TMCC1: variants seen among roughly 807,000 people sequenced by gnomAD.
The protein encoded by TMCC1 is transmembrane and coiled-coil domains protein 1.
Under a neutral mutation model 52.4 loss-of-function variants are expected in TMCC1, and 15 were observed. The observed-to-expected ratio is 0.29, with a 90% confidence interval of 0.19 to 0.44. The LOEUF is 0.44. Among genes scored for constraint, TMCC1 ranks in the 20% least tolerant of loss-of-function variants. TMCC1 has a pLI of 1.00. For missense variants in TMCC1, 503 were observed against 806.0 expected (o/e 0.62, Z 4.55); for synonymous variants, 279 against 301.9 (o/e 0.92, Z 0.79).
At chr3:129,884,275 CT>C (rs1409200914) in intron 1 of TMCC1, among the ~76,000 whole-genome samples, 1 of 151,976 alleles carries the variant, frequency 6.6e-6, no homozygotes, top group African/African-American at 2.4e-5. Context: ...TGGACAAAGA[CT>C]TTTATAATAG....
intron 4 of TMCC1, among the ~76,000 whole-genome samples, chr3:129,675,927 C>G (rs1054022949): frequency 1.3e-5 from 2 of 151,126 alleles, no homozygotes; most frequent in Non-Finnish European, 2.9e-5. Context: ...GTCCCAGCTA[C>G]TCAGGAGGCT....
Position 129,648,836 on chromosome 3 carries a change from T to C in TMCC1, c.*2645A>G, listed in dbSNP as rs1046403740. On this transcript the variant is annotated 3_prime_UTR_variant, in exon 7 of 7. Transcript: ENST00000393238. ...TGAAAGAAACTCAAAAGTAACAGGA[T>C]GGGCAGCAAAAGGTACAGCAAAGAA... The C allele has an allele frequency of 2.0e-5, 3 of 151,960 alleles. No individual in the cohort carries two copies. The highest frequency in any genetic ancestry group is 7.3e-5 in the African/African-American group (3 of 41,334). The allele number at this position is 151,960 out of a possible 1,614,324, so 9.4% of individuals were successfully genotyped here. A position where few individuals can be genotyped will look rare whatever the true frequency, so the allele number is the denominator to read the frequency against.
chr3:129,796,539 G>T (rs770343385), intron 4 of TMCC1, among the ~76,000 whole-genome samples: 2 of 152,118 alleles, frequency 1.3e-5, no homozygotes, highest in Non-Finnish European at 2.9e-5. Flanking sequence ...CCTCAATATG[G>T]CCAGGTTCAG....
chr3:129,734,622 G>C (rs2050798507), intron 4 of TMCC1, among the ~76,000 whole-genome samples: 2 of 152,158 alleles, frequency 1.3e-5, no homozygotes, highest in African/African-American at 4.8e-5. Context: ...GGCAGAGGCT[G>C]CAGTGAGCTG....
chr3:129,819,313 C>CCT (rs2058295190), intron 4 of TMCC1, among the ~76,000 whole-genome samples: 1 of 152,058 alleles, frequency 6.6e-6, no homozygotes, highest in Admixed American at 6.6e-5. Flanking sequence ...GAACTCCTGA[C>CCT]CTCAGGTGAT....
At chr3:129,767,634 T>TC (rs1168195434) in intron 4 of TMCC1, among the ~76,000 whole-genome samples, 1 of 152,204 alleles carries the variant, frequency 6.6e-6, no homozygotes, top group African/African-American at 2.4e-5. Flanking sequence ...AACCTTTTGA[T>TC]CCTTGGCAAT....
At chr3:129,780,628 C>T (rs1481118096) in intron 4 of TMCC1, among the ~76,000 whole-genome samples, 1 of 152,076 alleles carries the variant, frequency 6.6e-6, no homozygotes, top group Non-Finnish European at 1.5e-5. Flanking sequence ...CTCAGCTTGC[C>T]CCAAATCTCC....
At chr3:129,875,114 A>G (rs1002606224) in intron 2 of TMCC1, among the ~76,000 whole-genome samples, 11 of 151,758 alleles carry the variant, frequency 7.2e-5, no homozygotes, top group Non-Finnish European at 1.6e-4. Flanking sequence ...GCAGCTACTC[A>G]GGATCTAAGG....
At chr3:129,791,741 C>A (rs992337001) in intron 4 of TMCC1, among the ~76,000 whole-genome samples, 3 of 152,116 alleles carry the variant, frequency 2.0e-5, no homozygotes, top group African/African-American at 7.2e-5. Flanking sequence ...TTCTGTGAAT[C>A]ACATAACTGA....
intron 4 of TMCC1, among the ~76,000 whole-genome samples, chr3:129,706,627 T>C (rs2048265514): frequency 6.6e-6 from 1 of 152,122 alleles, no homozygotes; most frequent in Non-Finnish European, 1.5e-5. Context: ...CTACTAGCAT[T>C]CAAGTGGATA....
intron 4 of TMCC1, among the ~76,000 whole-genome samples, chr3:129,711,760 G>T (rs897817365): frequency 1.3e-5 from 2 of 150,532 alleles, no homozygotes; most frequent in African/African-American, 4.9e-5. Flanking sequence ...GGAGGGTGAG[G>T]CGGGCGGATC....
At chr3:129,821,600 G>A (rs1215185084) in intron 4 of TMCC1, among the ~76,000 whole-genome samples, 4 of 152,090 alleles carry the variant, frequency 2.6e-5, no homozygotes, top group Non-Finnish European at 5.9e-5. Context: ...AAGGCAATAA[G>A]ATAACAGAGG....
intron 4 of TMCC1, among the ~76,000 whole-genome samples, chr3:129,788,263 A>G (rs978658124): frequency 2.0e-5 from 3 of 152,172 alleles, no homozygotes; most frequent in Admixed American, 1.3e-4. Context: ...TCAGGTCTAC[A>G]TGGTCAACAA....
Position 129,709,629 on chromosome 3 carries a change from T to C in TMCC1, c.577-38365A>G, listed in dbSNP as rs189955969. On this transcript the variant is annotated intron_variant, in intron 4 of 6. Transcript: ENST00000393238. Reference sequence around the variant, plus strand: ...TTTATTTTACACCATAAATCTATACTAGGTAGGTAAAATAAAAATAACTAG... The same window carrying C: ...TTTATTTTACACCATAAATCTATACCAGGTAGGTAAAATAAAAATAACTAG... 7.9e-5 allele frequency among the ~76,000 whole-genome samples: 12 copies of C among 152,158 alleles called. 1 individual carries two copies. The highest frequency in any genetic ancestry group is 6.6e-4 in the Admixed American group (10 of 15,260).
chr3:129,713,544 C>G (rs767715618), intron 4 of TMCC1, among the ~76,000 whole-genome samples: 22 of 151,848 alleles, frequency 1.4e-4, no homozygotes, highest in South Asian at 8.3e-4. Context: ...ATTCTGTGAC[C>G]TGGTTCTATT....
At chr3:129,681,136 T>C (rs555207179) in intron 4 of TMCC1, among the ~76,000 whole-genome samples, 7 of 152,226 alleles carry the variant, frequency 4.6e-5, no homozygotes, top group African/African-American at 1.4e-4. Context: ...ATTATAATAT[T>C]TATGGCATTT....
At chr3:129,722,026 A>G (rs1216410077) in intron 4 of TMCC1, among the ~76,000 whole-genome samples, 2 of 152,236 alleles carry the variant, frequency 1.3e-5, no homozygotes, top group Non-Finnish European at 2.9e-5. Context: ...GAACATTTTA[A>G]TCATTGTTTC....
intron 4 of TMCC1, among the ~76,000 whole-genome samples, chr3:129,785,581 A>C (rs2055945540): frequency 1.4e-5 from 2 of 145,962 alleles, no homozygotes; most frequent in South Asian, 4.2e-4. Flanking sequence ...ACACACACAC[A>C]CACAAACACA....
chr3:129,846,678 C>A (rs553154236), intron 2 of TMCC1, among the ~76,000 whole-genome samples: 2 of 151,884 alleles, frequency 1.3e-5, no homozygotes, highest in Admixed American at 6.6e-5. Flanking sequence ...ATAGGAAATC[C>A]AAGAGTTAAA....
Sources: allele counts gnomAD v4.1 joint callset (sites outside exome capture counted in the v4.1 genomes callset), GRCh38; gene constraint gnomAD v4.1.1; transcripts MANE v1.5; gene names NCBI Gene and HGNC (gene_info 2026-07-23, HGNC 2026-07-21).